SUGCT: variants seen among roughly 807,000 people sequenced by gnomAD.
SUGCT encodes the protein succinyl-CoA:glutarate CoA-transferase.
In SUGCT, 41 loss-of-function variants were observed where a neutral mutation model predicts 55.0. The ratio of observed to expected loss-of-function variants is 0.74; its 90% CI spans 0.58 to 0.97. SUGCT has a LOEUF of 0.97. Ranked by LOEUF, SUGCT falls within the 50% of genes least tolerant of loss-of-function variation. SUGCT has a pLI of 0.00. For synonymous variants in SUGCT, 187 were observed against 200.4 expected (o/e 0.93, Z 0.56); for missense variants, 568 against 547.8 (o/e 1.04, Z -0.37).
chr7:40,700,864 G>T (rs1311059680), intron 12 of SUGCT, among the ~76,000 whole-genome samples: 3 of 151,998 alleles, frequency 2.0e-5, no homozygotes, highest in African/African-American at 7.2e-5. Flanking sequence ...GACTAGATGC[G>T]ACCCACAGTC....
chr7:40,292,007 A>G (rs550152316), intron 8 of SUGCT, among the ~76,000 whole-genome samples: 2 of 152,320 alleles, frequency 1.3e-5, no homozygotes, highest in East Asian at 3.9e-4. Context: ...GACCTCCAGG[A>G]TTATAAAATA....
At chr7:40,224,722 G>T (rs1424945529) in intron 6 of SUGCT, among the ~76,000 whole-genome samples, 3 of 152,194 alleles carry the variant, frequency 2.0e-5, no homozygotes, top group African/African-American at 7.2e-5. Flanking sequence ...CAGGTGAAAA[G>T]TGTTTATTAA....
At chr7:40,303,358 A>G (rs1455627208) in intron 8 of SUGCT, among the ~76,000 whole-genome samples, 1 of 152,184 alleles carries the variant, frequency 6.6e-6, no homozygotes, top group Non-Finnish European at 1.5e-5. Flanking sequence ...TATAAAGTAA[A>G]TTCACATTTC....
At chr7:40,163,070 TG>T (rs1053580387) in intron 1 of SUGCT, among the ~76,000 whole-genome samples, 4 of 152,168 alleles carry the variant, frequency 2.6e-5, no homozygotes, top group Non-Finnish European at 5.9e-5. Context: ...GAGGATTTCA[TG>T]GGGTGTTTTT....
intron 12 of SUGCT, among the ~76,000 whole-genome samples, chr7:40,630,319 A>G (rs1479017220): frequency 1.3e-5 from 2 of 152,190 alleles, no homozygotes; most frequent in Non-Finnish European, 1.5e-5. Context: ...GACCCTCTGG[A>G]AGTGGGGAAC....
chr7:41,011,960 G>A, the SUGCT span, among the ~76,000 whole-genome samples: 6,991 of 152,072 alleles, frequency 0.046, 541 homozygotes, highest in African/African-American at 0.16. Context: ...TCCCTTCATC[G>A]GTGGTGTTTT....
intron 13 of SUGCT, among the ~76,000 whole-genome samples, chr7:40,768,944 G>A (rs1405680499): frequency 6.6e-6 from 1 of 152,170 alleles, no homozygotes; most frequent in East Asian, 1.9e-4. Context: ...ATCGTGTCCT[G>A]TGCTGAGTGT....
At chr7:40,199,914 T>C (rs1786497408) in intron 6 of SUGCT, among the ~76,000 whole-genome samples, 1 of 152,048 alleles carries the variant, frequency 6.6e-6, no homozygotes, top group Non-Finnish European at 1.5e-5. Flanking sequence ...TCATACAAAA[T>C]ATATGTGTTT....
chr7:40,231,263 A>G lies in SUGCT; in HGVS notation c.485-6372A>G, dbSNP rs551446541. Among the ~76,000 whole-genome samples the G allele has an allele frequency of 2.0e-5, 3 of 152,302 alleles. No homozygotes were observed. In the East Asian group the frequency reaches 5.8e-4, roughly 29 times the overall value. ...GTGTTGTTTTTATTCCCAGACTTATATATTCACATTCACTCATTTATTAAA... is the reference window on the plus strand; with the variant it reads ...GTGTTGTTTTTATTCCCAGACTTATGTATTCACATTCACTCATTTATTAAA... On this transcript the variant is annotated intron_variant, in intron 6 of 13. Transcript: ENST00000335693.
the SUGCT span, among the ~76,000 whole-genome samples, chr7:40,963,901 G>A: frequency 6.6e-6 from 1 of 152,148 alleles, no homozygotes; most frequent in African/African-American, 2.4e-5. Flanking sequence ...TTTATGTGAG[G>A]CTGACTTACT....
chr7:40,352,060 G>A (rs546468613), intron 9 of SUGCT, among the ~76,000 whole-genome samples: 2 of 152,320 alleles, frequency 1.3e-5, no homozygotes, highest in South Asian at 4.1e-4. Context: ...TTTTCAAAAT[G>A]TGATCCCCAG....
chr7:40,446,105 C>G (rs1349524989), intron 9 of SUGCT, among the ~76,000 whole-genome samples: 1 of 151,954 alleles, frequency 6.6e-6, no homozygotes, highest in African/African-American at 2.4e-5. Context: ...GCATGTTCAG[C>G]TATCTAGAAT....
At chr7:40,384,137 T>C (rs1435011497) in intron 9 of SUGCT, among the ~76,000 whole-genome samples, 1 of 152,168 alleles carries the variant, frequency 6.6e-6, no homozygotes, top group Non-Finnish European at 1.5e-5. Context: ...GGGTAAATAC[T>C]ATAGATAAGG....
chr7:40,756,387 T>G (rs990764143), intron 13 of SUGCT, among the ~76,000 whole-genome samples: 1 of 152,176 alleles, frequency 6.6e-6, no homozygotes, highest in Non-Finnish European at 1.5e-5. Context: ...TGATAACAAT[T>G]TATTTTACTT....
chr7:40,809,449 T>A (rs2128756044), intron 13 of SUGCT, among the ~76,000 whole-genome samples: 1 of 152,214 alleles, frequency 6.6e-6, no homozygotes, highest in East Asian at 1.9e-4. Context: ...CACACACACG[T>A]ACACACACCC....
chr7:40,453,360 G>A (rs1457426749), intron 10 of SUGCT, among the ~76,000 whole-genome samples: 1 of 152,196 alleles, frequency 6.6e-6, no homozygotes, highest in African/African-American at 2.4e-5. Flanking sequence ...TAAAGCAGGA[G>A]CCCCAGGCAA....
At chr7:41,019,025 C>A in the SUGCT span, among the ~76,000 whole-genome samples, 362 of 152,052 alleles carry the variant, frequency 2.4e-3, 5 homozygotes, top group East Asian at 0.034. Flanking sequence ...CCTGCCTCAG[C>A]CTCCCGAGTA....
chr7:40,860,416 C>G lies in SUGCT; in HGVS notation c.1254C>G (p.Tyr418Ter). 6.2e-7 allele frequency: 1 copy of G among 1,613,954 alleles called. No homozygotes were observed. Among genetic ancestry groups the G allele is most frequent in the Non-Finnish European group, 8.5e-7 (1 of 1,179,830 alleles). The change falls in exon 14 of 14, where the codon TAC becomes TAG. Residue 418 changes from tyrosine to a stop codon, truncating the protein, a stop_gained. Coordinates refer to ENST00000335693, the MANE Select transcript of SUGCT (RefSeq NM_001193313.2). LOFTEE classifies it high-confidence loss of function. Reference sequence around the variant, plus strand: ...ACATCCTGAAGGAGGTCCTGAGATACGATGACAGGGCCATCGGGGAGCTGC... The same window carrying G: ...ACATCCTGAAGGAGGTCCTGAGATAGGATGACAGGGCCATCGGGGAGCTGC... ...TTHILKEVLR[Y>*]DDRAIGELLS...
intron 9 of SUGCT, among the ~76,000 whole-genome samples, chr7:40,331,218 C>G (rs560157172): frequency 6.6e-6 from 1 of 152,270 alleles, no homozygotes; most frequent in Non-Finnish European, 1.5e-5. Flanking sequence ...CTAAAATGCC[C>G]ATTCCTATTC....
Sources: gnomAD v4.1 joint callset for allele counts (sites outside exome capture counted in the v4.1 genomes callset) on GRCh38, gnomAD v4.1.1 for gene constraint, MANE v1.5 for transcripts, NCBI Gene and HGNC (gene_info 2026-07-23, HGNC 2026-07-21) for gene names.